MBNL1: variants seen among roughly 807,000 people sequenced by gnomAD.
The protein encoded by MBNL1 is muscleblind-like protein 1.
In MBNL1, 8 loss-of-function variants were observed where a neutral mutation model predicts 42.2. That is an observed-to-expected ratio of 0.19 (90% confidence interval 0.11 to 0.34). The LOEUF (loss-of-function observed/expected upper bound fraction) is 0.34. Ranked by LOEUF, MBNL1 falls within the 10% of genes least tolerant of loss-of-function variation. The pLI is 1.00. For missense variants in MBNL1, 309 were observed against 495.3 expected, an observed-to-expected ratio of 0.62 and a Z score of 3.57; for synonymous variants, 169 against 173.9, an observed-to-expected ratio of 0.97 and a Z score of 0.22.
At chr3:152,328,562 T>C (rs559943570) in intron 2 of MBNL1, among the ~76,000 whole-genome samples, 42 of 152,294 alleles carry the variant, frequency 2.8e-4, no homozygotes, top group Admixed American at 1.1e-3. Flanking sequence ...TAAAATGTAT[T>C]TTATAACTAA....
chr3:152,393,149 G>A (rs2097787840), intron 2 of MBNL1, among the ~76,000 whole-genome samples: 1 of 152,090 alleles, frequency 6.6e-6, no homozygotes, highest in East Asian at 1.9e-4. Context: ...CTTGACTTCT[G>A]TCATTCCTCC....
chr3:152,453,811 A>G (rs551261106), intron 6 of MBNL1, among the ~76,000 whole-genome samples: 16 of 152,306 alleles, frequency 1.1e-4, no homozygotes, highest in Non-Finnish European at 2.2e-4. Flanking sequence ...AGGTTAACTC[A>G]TTTTCAGCAT....
At chr3:152,356,856 A>AGTGTGTGTGTGTGTGT (rs59868027) in intron 2 of MBNL1, among the ~76,000 whole-genome samples, 6,246 of 149,426 alleles carry the variant, frequency 0.042, 240 homozygotes, top group East Asian at 0.2. Context: ...ATATGTGTGT[A>AGTGTGTGTGTGTGTGT]GTGTGTGTGT....
At position 152,430,162 on chromosome 3, in the gene MBNL1, A is replaced by G. The variant is rs1192455072; in HGVS notation, c.346-2555A>G. Among the ~76,000 whole-genome samples the G allele has an allele frequency of 2.0e-5, 3 of 152,212 alleles. 1 individual carries two copies. Among genetic ancestry groups the G allele is most frequent in the South Asian group, 4.1e-4 (2 of 4,834 alleles). On this transcript the variant is annotated intron_variant, in intron 3 of 9. Coordinates refer to ENST00000324210, the MANE Select transcript of MBNL1 (RefSeq NM_021038.5). ...GCCTGTAATGTGCAACAGCTGCATC[A>G]TATGCATTTTTAGATTTCCAGTGTA...
intron 5 of MBNL1, among the ~76,000 whole-genome samples, chr3:152,446,185 G>A (rs574370616): frequency 2.1e-4 from 32 of 152,086 alleles, no homozygotes; most frequent in Non-Finnish European, 4.4e-4. Flanking sequence ...TATTCTCAAG[G>A]TAAATTTTAA....
intron 1 of MBNL1, among the ~76,000 whole-genome samples, chr3:152,275,882 GTTTT>G (rs1264568915): frequency 6.6e-6 from 1 of 151,592 alleles, no homozygotes; most frequent in African/African-American, 2.4e-5. Flanking sequence ...AAGTAACTAA[GTTTT>G]TTTGTTTATT....
intron 3 of MBNL1, among the ~76,000 whole-genome samples, chr3:152,421,710 C>T (rs2098807962): frequency 1.3e-5 from 2 of 151,972 alleles, no homozygotes; most frequent in Non-Finnish European, 2.9e-5. Flanking sequence ...TCAGGTTACC[C>T]ACAAAGGGAC....
At chr3:152,276,244 A>G (rs1430565152) in intron 1 of MBNL1, among the ~76,000 whole-genome samples, 1 of 152,178 alleles carries the variant, frequency 6.6e-6, no homozygotes, top group Non-Finnish European at 1.5e-5. Flanking sequence ...TGTAATTATG[A>G]TTACTAACAT....
At chr3:152,407,020 T>C (rs2098445463) in intron 2 of MBNL1, among the ~76,000 whole-genome samples, 1 of 150,692 alleles carries the variant, frequency 6.6e-6, no homozygotes, top group African/African-American at 2.4e-5. Flanking sequence ...CTTTCTTTTA[T>C]TGGCAGTCTC....
At chr3:152,307,268 C>T (rs1444634204) in intron 2 of MBNL1, among the ~76,000 whole-genome samples, 2 of 152,170 alleles carry the variant, frequency 1.3e-5, no homozygotes, top group African/African-American at 4.8e-5. Context: ...GGATTACAGG[C>T]GTGAGTCACC....
At chr3:152,340,575 C>G (rs775321971) in intron 2 of MBNL1, 16 of 1,613,620 alleles carry the variant, frequency 9.9e-6, no homozygotes, top group Non-Finnish European at 1.4e-5. Context: ...CTGACAGGAT[C>G]TGTTCACCAT....
intron 2 of MBNL1, among the ~76,000 whole-genome samples, chr3:152,374,930 A>G (rs939600812): frequency 1.3e-5 from 2 of 152,188 alleles, no homozygotes; most frequent in Non-Finnish European, 2.9e-5. Context: ...TGTTATTTTC[A>G]TATTTTATTT....
intron 4 of MBNL1, 84 bp downstream of exon 4, chr3:152,433,004 C>T: frequency 7.7e-7 from 1 of 1,306,912 alleles, no homozygotes; most frequent in South Asian, 1.4e-5. Flanking sequence ...GTTTCCATGG[C>T]CAAAAAGTTG....
chr3:152,366,116 T>G (rs1187879967), intron 2 of MBNL1, among the ~76,000 whole-genome samples: 3 of 152,072 alleles, frequency 2.0e-5, no homozygotes, highest in Non-Finnish European at 4.4e-5. Flanking sequence ...ACTGCAAAAT[T>G]AAAATCAGAA....
In MBNL1 at chr3:152,447,606, C is replaced by A; in HGVS notation, c.808-14C>A. 6.2e-7 allele frequency: 1 copy of A among 1,604,222 alleles called. No homozygotes were observed. Among genetic ancestry groups the A allele is most frequent in the South Asian group, 1.1e-5 (1 of 90,224 alleles). Reference sequence around the variant, plus strand: ...TTTACTGGTATTTGTTTTTTATACTCATTCACTAAACAGGGAATTCCTCAA... The same window carrying A: ...TTTACTGGTATTTGTTTTTTATACTAATTCACTAAACAGGGAATTCCTCAA... On this transcript the variant is annotated splice_polypyrimidine_tract_variant and intron_variant, in intron 5 of 9. Transcript: ENST00000324210.
At chr3:152,272,948 C>G (rs965716417) in intron 1 of MBNL1, among the ~76,000 whole-genome samples, 1 of 152,112 alleles carries the variant, frequency 6.6e-6, no homozygotes, top group Non-Finnish European at 1.5e-5. Flanking sequence ...ATTATTTTCT[C>G]GAAGGATGCC....
At chr3:152,393,962 T>C (rs1236234063) in intron 2 of MBNL1, among the ~76,000 whole-genome samples, 3 of 152,224 alleles carry the variant, frequency 2.0e-5, no homozygotes, top group Non-Finnish European at 2.9e-5. Context: ...TAGTGCCTAA[T>C]TTATTAAGCT....
Position 152,462,908 on chromosome 3 carries a change from G to C in MBNL1, c.*542G>C, listed in dbSNP as rs1748175929. The C allele has an allele frequency of 6.6e-6, 1 of 152,528 alleles. No homozygotes were observed. The highest frequency in any genetic ancestry group is 2.4e-5 in the African/African-American group (1 of 41,450). 9.4% of individuals were successfully genotyped at this position (152,528 alleles called of 1,614,324 possible). On this transcript the variant is annotated 3_prime_UTR_variant, in exon 10 of 10. Transcript: ENST00000324210. ...TAAGAGTAATATTTTTAATGTAATA[G>C]ATTGTAAGACGTGGTGAGGGAGGGA...
intron 2 of MBNL1, among the ~76,000 whole-genome samples, chr3:152,255,381 CT>C (rs1437039305): frequency 6.6e-6 from 1 of 151,836 alleles, no homozygotes; most frequent in Non-Finnish European, 1.5e-5. Flanking sequence ...AATATTGAGC[CT>C]TTTTAATATT....
Sources: gnomAD v4.1 joint callset for allele counts (sites outside exome capture counted in the v4.1 genomes callset) on GRCh38, gnomAD v4.1.1 for gene constraint, MANE v1.5 for transcripts, NCBI Gene and HGNC (gene_info 2026-07-23, HGNC 2026-07-21) for gene names.